The following DNAH9 variants were observed in gnomAD, a reference collection of about 807,000 sequenced individuals.
The protein encoded by DNAH9 is DNAH9 variant protein.
Under a neutral mutation model 471.6 loss-of-function variants are expected in DNAH9, and 345 were observed. The ratio of observed to expected loss-of-function variants is 0.73; its 90% CI spans 0.67 to 0.80. The LOEUF is 0.80. Ranked by LOEUF, DNAH9 falls within the 30% of genes least tolerant of loss-of-function variation. DNAH9 has a pLI of 0.00. For missense variants in DNAH9, 5,407 were observed against 5,609.2 expected (o/e 0.96, Z 1.15); for synonymous variants, 2,093 against 2,123.6 (o/e 0.99, Z 0.40).
intron 2 of DNAH9, 52 bp downstream of exon 2, chr17:11,608,377 G>C: frequency 7.3e-7 from 1 of 1,365,936 alleles, no homozygotes; most frequent in Non-Finnish European, 1.0e-6. Flanking sequence ...GGAGATGCTG[G>C]TTATCAGAAT....
intron 49 of DNAH9, among the ~76,000 whole-genome samples, chr17:11,841,492 C>T (rs765210176): frequency 1.3e-5 from 2 of 152,118 alleles, no homozygotes; most frequent in Non-Finnish European, 2.9e-5. Context: ...GTCACTTATG[C>T]GTCCATCTTG....
chr17:11,666,547 G>T (rs2073871539), intron 15 of DNAH9, among the ~76,000 whole-genome samples: 1 of 152,140 alleles, frequency 6.6e-6, no homozygotes. Context: ...TCGAACGGGT[G>T]GGAGCTGAAT....
Position 11,619,712 on chromosome 17 carries a change from A to T in DNAH9, c.1281A>T (p.Glu427Asp). The T allele has an allele frequency of 6.2e-7, 1 of 1,614,116 alleles. No homozygotes were observed. The highest frequency in any genetic ancestry group is 8.5e-7 in the Non-Finnish European group (1 of 1,179,978). ...TYFKENQEVK[E>D]WDFQSSLVFV... The stretch of plus-strand genomic sequence containing the variant: ...TCAAAGAGAACCAGGAAGTCAAGGA[A>T]TGGGATTTCCAGTCTTCTTTGGTCT... Residue 427 changes from glutamate (E) to aspartate (D), a missense_variant, in exon 6 of 69, where the codon GAA becomes GAT. Glu to Asp is a conservative substitution (Grantham distance 45, BLOSUM62 2). This residue lies in a region of DNAH9 where 767 missense variants were observed against 692.5 expected (regional missense o/e 1.11). Transcript: ENST00000262442.
chr17:11,655,365 TGTGTGTGTG>T (rs1217678871), intron 14 of DNAH9, among the ~76,000 whole-genome samples: 84 of 150,988 alleles, frequency 5.6e-4, no homozygotes, highest in Admixed American at 3.3e-4. Flanking sequence ...TGTGTGTGTG[TGTGTGTGTG>T]TGTGTGTGTG....
At chr17:11,760,614 G>C (rs1031165766) in intron 35 of DNAH9, among the ~76,000 whole-genome samples, 8 of 151,934 alleles carry the variant, frequency 5.3e-5, no homozygotes, top group Non-Finnish European at 1.5e-5. Flanking sequence ...CTGCCTCCCA[G>C]GTTCAAGAGA....
chr17:11,818,166 C>G (rs1385006063), intron 45 of DNAH9, among the ~76,000 whole-genome samples: 2 of 152,232 alleles, frequency 1.3e-5, no homozygotes, highest in Non-Finnish European at 2.9e-5. Flanking sequence ...CGTGGTGGCT[C>G]ACGCCTATAA....
intron 17 of DNAH9, among the ~76,000 whole-genome samples, chr17:11,679,439 G>T (rs954680305): frequency 1.1e-4 from 17 of 152,192 alleles, no homozygotes; most frequent in African/African-American, 1.7e-4. Flanking sequence ...CAGATTTTGA[G>T]TGCGCTCAGA....
chr17:11,699,660 C>T, intron 22 of DNAH9, 71 bp from the exon 23 acceptor site: 1 of 1,366,132 alleles, frequency 7.3e-7, no homozygotes. Context: ...ACATGGTAGG[C>T]CTCTAAACAA....
At chr17:11,801,486 T>C (rs746613463) in intron 43 of DNAH9, among the ~76,000 whole-genome samples, 4 of 152,126 alleles carry the variant, frequency 2.6e-5, no homozygotes, top group Non-Finnish European at 5.9e-5. Flanking sequence ...GGTCAGGAGT[T>C]TGAGGCCAGC....
chr17:11,758,720 C>T (rs1453448365), intron 35 of DNAH9, among the ~76,000 whole-genome samples: 1 of 152,122 alleles, frequency 6.6e-6, no homozygotes. Flanking sequence ...CGCCCCACAC[C>T]CTGAAAAATC....
At chr17:11,652,275 G>A (rs2073524770) in intron 13 of DNAH9, among the ~76,000 whole-genome samples, 1 of 129,234 alleles carries the variant, frequency 7.7e-6, no homozygotes, top group South Asian at 2.6e-4. Flanking sequence ...TATGGTAAGG[G>A]TAGGCTTTTT....
chr17:11,693,112 A>G (rs1277554183), intron 20 of DNAH9, among the ~76,000 whole-genome samples: 4 of 134,004 alleles, frequency 3.0e-5, no homozygotes, highest in South Asian at 4.7e-4. Context: ...ACGGGGTTTC[A>G]CCATGTTGGT....
rs893196867 is a variant in DNAH9, at chr17:11,866,497, C to T, written c.9934-2637C>T. ...GGGACCCACTTGAGGAGGCAGTCTG[C>T]CCGTTCTCAGATCTCCAGCTGCATG... On this transcript the variant is annotated intron_variant, in intron 50 of 68. Coordinates refer to ENST00000262442, the MANE Select transcript of DNAH9 (RefSeq NM_001372.4). Among the ~76,000 whole-genome samples the T allele has an allele frequency of 2.4e-4, 37 of 152,328 alleles. No individual in the cohort carries two copies. In the Middle Eastern group the frequency reaches 0.01, roughly 42 times the overall value.
intron 32 of DNAH9, among the ~76,000 whole-genome samples, chr17:11,752,581 C>T (rs935843152): frequency 6.6e-6 from 1 of 152,076 alleles, no homozygotes; most frequent in African/African-American, 2.4e-5. Flanking sequence ...GCAGGACAAT[C>T]GCTTGAACCC....
chr17:11,787,642 T>C (rs1968919429), intron 41 of DNAH9, among the ~76,000 whole-genome samples: 1 of 152,198 alleles, frequency 6.6e-6, no homozygotes, highest in Non-Finnish European at 1.5e-5. Flanking sequence ...AATTTGATAG[T>C]GCTCTCATAT....
intron 48 of DNAH9, among the ~76,000 whole-genome samples, chr17:11,832,655 A>G (rs1159329179): frequency 1.3e-5 from 2 of 152,150 alleles, no homozygotes; most frequent in Admixed American, 1.3e-4. Flanking sequence ...TTTTCTTTTG[A>G]TCTGCCCTGA....
At chr17:11,749,601 G>A (rs541158377) in intron 32 of DNAH9, among the ~76,000 whole-genome samples, 182 of 151,772 alleles carry the variant, frequency 1.2e-3, no homozygotes, top group South Asian at 2.3e-3. Flanking sequence ...GGTCAAAAAA[G>A]ATTCTTTTTA....
intron 22 of DNAH9, among the ~76,000 whole-genome samples, chr17:11,698,986 C>T (rs995792651): frequency 3.4e-4 from 52 of 152,180 alleles, no homozygotes; most frequent in East Asian, 9.7e-4. Context: ...TGTGGTGGCT[C>T]ACACCTGTAA....
chr17:11,820,672 T>C (rs995096049), intron 45 of DNAH9, among the ~76,000 whole-genome samples: 1 of 152,216 alleles, frequency 6.6e-6, no homozygotes, highest in African/African-American at 2.4e-5. Context: ...AGAGAATTTC[T>C]TTACATACTA....
Sources: gnomAD v4.1 joint callset for allele counts (sites outside exome capture counted in the v4.1 genomes callset) on GRCh38, gnomAD v4.1.1 for gene constraint, gnomAD v4.1.1 regional missense constraint, MANE v1.5 for transcripts, NCBI Gene and HGNC (gene_info 2026-07-23, HGNC 2026-07-21) for gene names.